The following LINC00632 variants were observed in gnomAD, a reference collection of about 807,000 sequenced individuals.
The protein encoded by LINC00632 is long independently transcribed non-coding RNA 632, also known as ALDOA related specific transcript.
chrX:140,771,653 A>G (rs7055399), intron 3 of LINC00632, among the ~76,000 whole-genome samples: 1,568 of 76,933 alleles, frequency 0.02, 59 homozygotes, highest in African/African-American at 0.075. Flanking sequence ...ACATACATAT[A>G]TGTGTGTGTG....
exon 5 of LINC00632, chrX:140,782,781 G>C (rs1359329798): frequency 5.4e-5 from 6 of 111,571 alleles, no homozygotes; most frequent in African/African-American, 2.0e-4. Context: ...TGAATGAATA[G>C]ACCTCTTAAT....
chrX:140,722,705 C>T (rs991695434), intron 2 of LINC00632, among the ~76,000 whole-genome samples: 12 of 111,055 alleles, frequency 1.1e-4, no homozygotes, highest in Admixed American at 2.9e-4. Context: ...AACTCGCCCC[C>T]GCAACTCATG....
chrX:140,751,032 C>T (rs996888752), intron 3 of LINC00632, among the ~76,000 whole-genome samples: 2 of 111,517 alleles, frequency 1.8e-5, no homozygotes, highest in Non-Finnish European at 3.8e-5. Flanking sequence ...TTGATGAAGA[C>T]GTAGATTGGT....
chrX:140,746,322 C>A (rs906260626), intron 3 of LINC00632, among the ~76,000 whole-genome samples: 1 of 112,154 alleles, frequency 8.9e-6, no homozygotes, highest in Non-Finnish European at 1.9e-5. Flanking sequence ...ATCACTAAAG[C>A]TTATTCCTCC....
At chrX:140,742,761 G>A (rs979095323) in intron 3 of LINC00632, among the ~76,000 whole-genome samples, 20 of 106,861 alleles carry the variant, frequency 1.9e-4, no homozygotes, top group Admixed American at 4.1e-4. Flanking sequence ...AAAGCAATTA[G>A]TGTGACTTTG....
intron 3 of LINC00632, among the ~76,000 whole-genome samples, chrX:140,753,604 C>A (rs1313476985): frequency 9.1e-6 from 1 of 109,753 alleles, no homozygotes; most frequent in East Asian, 2.8e-4. Flanking sequence ...TATTTTTTAT[C>A]TTTATTATAT....
intron 3 of LINC00632, among the ~76,000 whole-genome samples, chrX:140,761,720 A>G (rs998046896): frequency 8.9e-6 from 1 of 112,761 alleles, no homozygotes; most frequent in East Asian, 2.8e-4. Context: ...AGATAACAAC[A>G]TGTTTAGATA....
At chrX:140,761,830 A>G (rs1455832116) in intron 3 of LINC00632, among the ~76,000 whole-genome samples, 3 of 112,195 alleles carry the variant, frequency 2.7e-5, no homozygotes, top group South Asian at 7.4e-4. Flanking sequence ...TGAAAAGACT[A>G]CTCAAGGGAG....
At chrX:140,724,385 G>GCA (rs1299810341) in intron 2 of LINC00632, among the ~76,000 whole-genome samples, 1 of 1,498 alleles carries the variant, frequency 6.7e-4, no homozygotes, top group Non-Finnish European at 1.4e-3. Flanking sequence ...CACAGTCCAT[G>GCA]CACACACACA....
chrX:140,759,137 T>A (rs1385971747), intron 3 of LINC00632, among the ~76,000 whole-genome samples: 1 of 100,705 alleles, frequency 9.9e-6, no homozygotes, highest in Admixed American at 1.0e-4. Flanking sequence ...GTTAATTTTG[T>A]ATTTTTTTTT....
exon 5 of LINC00632, among the ~76,000 whole-genome samples, chrX:140,787,691 ACTAT>A (rs1469562687): frequency 1.8e-5 from 2 of 111,600 alleles, no homozygotes; most frequent in Non-Finnish European, 3.8e-5. Flanking sequence ...TTATATTGTA[ACTAT>A]CTAATGGAAT....
At chrX:140,762,903 T>C (rs188731868) in intron 3 of LINC00632, among the ~76,000 whole-genome samples, 4 of 112,184 alleles carry the variant, frequency 3.6e-5, no homozygotes, top group African/African-American at 1.3e-4. Context: ...AAGCAGTAGT[T>C]TGCAGATCCC....
At chrX:140,721,322 G>A (rs1024869672) in intron 2 of LINC00632, among the ~76,000 whole-genome samples, 2 of 111,447 alleles carry the variant, frequency 1.8e-5, no homozygotes, top group Non-Finnish European at 3.8e-5. Context: ...ACCAGAGCAC[G>A]CCTTACAGCA....
At chrX:140,764,285 C>A (rs1921008872) in intron 3 of LINC00632, among the ~76,000 whole-genome samples, 1 of 105,069 alleles carries the variant, frequency 9.5e-6, no homozygotes, top group African/African-American at 3.5e-5. Context: ...GAATAACCAA[C>A]AGACCCTTGG....
At chrX:140,772,223 A>G (rs369444895) in exon 4 of LINC00632, 7 of 294,215 alleles carry the variant, frequency 2.4e-5, no homozygotes, top group African/African-American at 1.7e-4. Flanking sequence ...TGCAAGTTCA[A>G]GTCACCATCC....
intron 2 of LINC00632, among the ~76,000 whole-genome samples, chrX:140,725,439 GCACACACATAGACTCATTCCGTA>G (rs1311879474): frequency 2.4e-4 from 5 of 20,993 alleles, no homozygotes; most frequent in Admixed American, 9.9e-4. Flanking sequence ...CACATTCCAT[GCACACACATAGACTCATTCCGTA>G]CACACACATA....
intron 3 of LINC00632, among the ~76,000 whole-genome samples, chrX:140,742,876 A>AGAGAGG (rs1931253870): frequency 1.2e-5 from 1 of 86,010 alleles, no homozygotes; most frequent in African/African-American, 5.1e-5. Flanking sequence ...AGAGAGAGAG[A>AGAGAGG]GAGGAAGGAA....
At chrX:140,786,092 C>T (rs955302414) in exon 5 of LINC00632, among the ~76,000 whole-genome samples, 9 of 111,815 alleles carry the variant, frequency 8.0e-5, no homozygotes, top group Admixed American at 7.6e-4. Flanking sequence ...AGCATGAAAA[C>T]CACATAATTA....
rs1931552413 is a variant in LINC00632, at chrX:140,759,289, T to TTCC, written n.192-12788_192-12787insCCT. On this transcript the variant is annotated intron_variant and non_coding_transcript_variant, in intron 3 of 4. Coordinates refer to ENST00000648200, the Ensembl canonical transcript of LINC00632. ...ACCCCAGGCCTCTTTTCTTTCTTTC[T>TTCC]TTCCTTCCTTCCTTCCTTCCTTCCT... is the stretch of plus-strand genomic sequence containing the variant. Among the ~76,000 whole-genome samples the TTCC allele has an allele frequency of 5.0e-5, 4 of 79,605 alleles. No homozygotes were observed. The South Asian group carries it at 2.4e-3, about 47-fold the overall frequency. 69.1% of individuals were successfully genotyped at this position (79,605 alleles called of 115,157 possible).
Sources: gnomAD v4.1 joint callset for allele counts (sites outside exome capture counted in the v4.1 genomes callset) on GRCh38, gnomAD v4.1.1 for gene constraint, MANE v1.5 for transcripts, NCBI Gene and HGNC (gene_info 2026-07-23, HGNC 2026-07-21) for gene names.